SERGEF: variants seen among roughly 807,000 people sequenced by gnomAD.
SERGEF encodes secretion-regulating guanine nucleotide exchange factor.
In SERGEF, 51 loss-of-function variants were observed where a neutral mutation model predicts 50.0. The ratio of observed to expected loss-of-function variants is 1.02; its 90% CI spans 0.81 to 1.29. The LOEUF is 1.29. Ranked by LOEUF, SERGEF falls within the 50% of genes most tolerant of loss-of-function variation. The pLI is 0.00. For synonymous variants in SERGEF, 205 were observed against 212.4 expected (o/e 0.97, Z 0.30); for missense variants, 521 against 557.0 (o/e 0.94, Z 0.65).
At chr11:17,811,188 G>GT (rs1846284591) in intron 10 of SERGEF, among the ~76,000 whole-genome samples, 1 of 152,194 alleles carries the variant, frequency 6.6e-6, no homozygotes, top group Admixed American at 6.5e-5. Context: ...TGAGGTCTTG[G>GT]TAAGGAAAGA....
At chr11:17,829,779 G>C (rs1247103641) in intron 10 of SERGEF, among the ~76,000 whole-genome samples, 3 of 152,170 alleles carry the variant, frequency 2.0e-5, no homozygotes, top group African/African-American at 7.2e-5. Flanking sequence ...AAACTACCCT[G>C]ATCCTCAAAA....
At chr11:17,961,939 T>C (rs531099823) in intron 8 of SERGEF, among the ~76,000 whole-genome samples, 3 of 152,370 alleles carry the variant, frequency 2.0e-5, no homozygotes, top group South Asian at 4.1e-4. Flanking sequence ...AGTACATTCA[T>C]TGACGCTGGC....
chr11:17,980,390 A>G (rs774861830), intron 8 of SERGEF, among the ~76,000 whole-genome samples: 2 of 152,170 alleles, frequency 1.3e-5, no homozygotes, highest in Non-Finnish European at 2.9e-5. Flanking sequence ...GTGACTTGTC[A>G]AGGACATATA....
chr11:17,915,963 G>A (rs1035463633), intron 9 of SERGEF, among the ~76,000 whole-genome samples: 10 of 152,366 alleles, frequency 6.6e-5, no homozygotes, highest in South Asian at 2.1e-4. Flanking sequence ...GACTGTTGAC[G>A]TAGTGATGGG....
chr11:17,884,090 G>C lies in SERGEF; in HGVS notation c.1012-5846C>G, dbSNP rs113642908. Among the ~76,000 whole-genome samples, 1 of 152,184 alleles carries C rather than the reference G, an allele frequency of 6.6e-6. No homozygotes were observed. Among genetic ancestry groups the C allele is most frequent in the Non-Finnish European group, 1.5e-5 (1 of 68,020 alleles). ...CGCTTTCCTCTACCAGAGAGGGGTA[G>C]CCAGCCGCAGCCCAAAGGCCACCCA... On this transcript the variant is annotated intron_variant, in intron 9 of 10. Transcript: ENST00000265965. The surrounding 1 kb of genome is among the most constrained non-coding windows in gnomAD (Gnocchi z 4.6).
rs569806409 is a variant in SERGEF, at chr11:17,991,795, T to C, written c.685+1136A>G. On this transcript the variant is annotated intron_variant, in intron 7 of 10. Coordinates refer to ENST00000265965, the MANE Select transcript of SERGEF (RefSeq NM_012139.4). This position sits in a 1 kb window ranked among gnomAD's most constrained non-coding sequence, Gnocchi z 4.9. ...ATAACAACTTCTCAGCTGGGCTGCA[T>C]TGCAAATTTGATGTCGAAGAATGCA... is the stretch of plus-strand genomic sequence containing the variant. Among the ~76,000 whole-genome samples the C allele has an allele frequency of 1.1e-4, 16 of 152,328 alleles. 1 individual carries two copies. In the South Asian group the frequency reaches 3.3e-3, roughly 32 times the overall value.
intron 1 of SERGEF, among the ~76,000 whole-genome samples, chr11:18,008,893 G>T (rs1373532286): frequency 6.6e-6 from 1 of 152,094 alleles, no homozygotes; most frequent in Non-Finnish European, 1.5e-5. Context: ...AGGAGAAGCT[G>T]CTCACAGACC....
intron 10 of SERGEF, among the ~76,000 whole-genome samples, chr11:17,822,416 A>G (rs1486799458): frequency 1.3e-5 from 2 of 152,352 alleles, no homozygotes; most frequent in East Asian, 1.9e-4. Flanking sequence ...TATGAAAATA[A>G]AAATGCAATC....
At chr11:17,828,082 T>C (rs1025434134) in intron 10 of SERGEF, among the ~76,000 whole-genome samples, 31 of 152,146 alleles carry the variant, frequency 2.0e-4, no homozygotes, top group African/African-American at 7.2e-4. Flanking sequence ...ACTAGGGAGC[T>C]AGGGGCTAGT....
At chr11:17,972,012 T>C (rs1339021277) in intron 8 of SERGEF, among the ~76,000 whole-genome samples, 5 of 152,334 alleles carry the variant, frequency 3.3e-5, no homozygotes, top group African/African-American at 1.2e-4. Flanking sequence ...GCAATACAAC[T>C]AGAATTATAC....
intron 10 of SERGEF, among the ~76,000 whole-genome samples, chr11:17,838,123 G>A (rs926909285): frequency 2.6e-5 from 4 of 152,164 alleles, no homozygotes; most frequent in Admixed American, 1.3e-4. Flanking sequence ...ATAACAACAC[G>A]AAAGAGTCCA....
At chr11:18,010,132 G>A (rs1416456088) in intron 1 of SERGEF, 1 of 1,247,262 alleles carries the variant, frequency 8.0e-7, no homozygotes, top group Non-Finnish European at 1.0e-6. Context: ...GTTTGTTTTT[G>A]AAGACACCTG....
intron 10 of SERGEF, among the ~76,000 whole-genome samples, chr11:17,847,453 C>T (rs1850636780): frequency 6.6e-6 from 1 of 152,210 alleles, no homozygotes; most frequent in South Asian, 2.1e-4. Context: ...TCTTATTTGA[C>T]CTTGGGAAAG....
intron 10 of SERGEF, among the ~76,000 whole-genome samples, chr11:17,877,582 C>T (rs1851260978): frequency 1.3e-5 from 2 of 152,218 alleles, no homozygotes; most frequent in Non-Finnish European, 2.9e-5. Context: ...CAGTCTGGCC[C>T]TACACTGCAG....
chr11:17,972,155 A>G (rs1853260526), intron 8 of SERGEF, among the ~76,000 whole-genome samples: 1 of 152,256 alleles, frequency 6.6e-6, no homozygotes, highest in South Asian at 2.1e-4. Context: ...GATTCTGTGA[A>G]CACTGTTGAA....
intron 10 of SERGEF, among the ~76,000 whole-genome samples, chr11:17,821,845 T>G (rs931794891): frequency 1.3e-5 from 2 of 152,248 alleles, no homozygotes; most frequent in African/African-American, 4.8e-5. Context: ...TGTGATTTAC[T>G]GCTTCTAAGT....
chr11:17,872,082 T>C (rs986186809), intron 10 of SERGEF, among the ~76,000 whole-genome samples: 5 of 152,180 alleles, frequency 3.3e-5, no homozygotes, highest in Admixed American at 6.5e-5. Context: ...CATTACAAAA[T>C]TACTGCTACA....
chr11:17,983,015 T>C lies in SERGEF; in HGVS notation c.844+5582A>G, dbSNP rs142687611. Among the ~76,000 whole-genome samples, 268 of 152,338 alleles carry C rather than the reference T, an allele frequency of 1.8e-3. 1 individual carries two copies. Among genetic ancestry groups the C allele is most frequent in the African/African-American group, 5.7e-3 (239 of 41,572 alleles). Reference sequence around the variant, plus strand: ...AGTGAGGAAGTTGCTTCTTCCATCATTGATTCTCTAAAACTTCTAAGACTC... The same window carrying C: ...AGTGAGGAAGTTGCTTCTTCCATCACTGATTCTCTAAAACTTCTAAGACTC... On this transcript the variant is annotated intron_variant, in intron 8 of 10. Transcript: ENST00000265965.
chr11:17,911,254 G>C (rs1191062891), intron 9 of SERGEF, among the ~76,000 whole-genome samples: 2 of 149,814 alleles, frequency 1.3e-5, no homozygotes, highest in Non-Finnish European at 3.0e-5. Flanking sequence ...ACTTGTATGA[G>C]TGATGGGGCC....
Sources: allele counts gnomAD v4.1 joint callset (sites outside exome capture counted in the v4.1 genomes callset), GRCh38; gene constraint gnomAD v4.1.1; non-coding constraint Gnocchi (gnomAD v3.1); transcripts MANE v1.5; gene names NCBI Gene and HGNC (gene_info 2026-07-23, HGNC 2026-07-21).